Variants in DLGAP1 observed in about 807,000 individuals in gnomAD.
DLGAP1 encodes DLG associated protein 1, also known as disks large-associated protein 1.
DLGAP1 carries 11 observed loss-of-function variants against 90.8 expected under a neutral mutation model. The ratio of observed to expected loss-of-function variants is 0.12; its 90% confidence interval spans 0.08 to 0.20. The LOEUF (loss-of-function observed/expected upper bound fraction) is 0.20. DLGAP1 is among the 10% of genes least tolerant of loss of function. The probability of loss-of-function intolerance (pLI) is 1.00; values close to 1 mark genes in which losing one functional copy is unlikely to be tolerated. For missense variants in DLGAP1, 1,050 were observed against 1,333.8 expected (o/e 0.79, Z 3.31); for synonymous variants, 558 against 540.7 (o/e 1.03, Z -0.44).
At chr18:3,969,193 G>A (rs994073740) in intron 3 of DLGAP1, among the ~76,000 whole-genome samples, 1 of 152,086 alleles carries the variant, frequency 6.6e-6, no homozygotes, top group Non-Finnish European at 1.5e-5. Context: ...CAAACTATGC[G>A]AACTTCCATC....
chr18:4,320,209 C>A (rs773533713), intron 1 of DLGAP1, among the ~76,000 whole-genome samples: 1 of 152,056 alleles, frequency 6.6e-6, no homozygotes, highest in Non-Finnish European at 1.5e-5. Flanking sequence ...CTTCCTCCCA[C>A]GATTTTCACA....
At chr18:4,303,552 A>G (rs2080177939) in intron 1 of DLGAP1, among the ~76,000 whole-genome samples, 2 of 152,144 alleles carry the variant, frequency 1.3e-5, no homozygotes, top group South Asian at 4.1e-4. Context: ...AGCACCATCA[A>G]ATTTTGATTG....
chr18:3,690,164 G>C (rs1411723987), intron 7 of DLGAP1, among the ~76,000 whole-genome samples: 2 of 140,640 alleles, frequency 1.4e-5, no homozygotes, highest in Admixed American at 1.6e-4. Flanking sequence ...ACAGCTCACT[G>C]CGGACTCGAA....
At chr18:4,117,997 C>T (rs1010515594) in intron 2 of DLGAP1, among the ~76,000 whole-genome samples, 1 of 151,376 alleles carries the variant, frequency 6.6e-6, no homozygotes, top group Non-Finnish European at 1.5e-5. Flanking sequence ...CTGCACACAG[C>T]CTTCATGACC....
At chr18:3,561,450 A>G (rs867983056) in intron 9 of DLGAP1, among the ~76,000 whole-genome samples, 1 of 142,314 alleles carries the variant, frequency 7.0e-6, no homozygotes, top group Admixed American at 6.9e-5. Flanking sequence ...AAAAAAAAAA[A>G]AAAAAAAAAC....
At chr18:4,363,279 G>A (rs190276889) in intron 1 of DLGAP1, among the ~76,000 whole-genome samples, 122 of 152,242 alleles carry the variant, frequency 8.0e-4, no homozygotes, top group African/African-American at 2.7e-3. Context: ...GTGAGTGCTC[G>A]CACATACACA....
At chr18:4,407,606 C>T (rs987559714) in intron 1 of DLGAP1, among the ~76,000 whole-genome samples, 2 of 151,996 alleles carry the variant, frequency 1.3e-5, no homozygotes, top group Non-Finnish European at 2.9e-5. Context: ...AGGCCGAGTG[C>T]GCTGGCTCAC....
At chr18:4,051,655 A>G (rs2075135593) in intron 2 of DLGAP1, among the ~76,000 whole-genome samples, 1 of 152,308 alleles carries the variant, frequency 6.6e-6, no homozygotes, top group African/African-American at 2.4e-5. Context: ...CCCAAATCTC[A>G]TGTCCTCATA....
intron 1 of DLGAP1, among the ~76,000 whole-genome samples, chr18:4,213,667 T>C (rs898527935): frequency 5.3e-5 from 8 of 152,142 alleles, no homozygotes; most frequent in Non-Finnish European, 1.0e-4. Context: ...GTGGAGGCTA[T>C]AGAGATATAT....
intron 4 of DLGAP1, among the ~76,000 whole-genome samples, chr18:3,823,641 A>G (rs1443591804): frequency 6.6e-6 from 1 of 152,158 alleles, no homozygotes; most frequent in African/African-American, 2.4e-5. Flanking sequence ...TTGCTGAGAG[A>G]TACAATCCCA....
intron 4 of DLGAP1, among the ~76,000 whole-genome samples, chr18:3,866,191 C>A (rs2070371707): frequency 6.6e-6 from 1 of 152,134 alleles, no homozygotes; most frequent in Non-Finnish European, 1.5e-5. Context: ...TAATGAAGGG[C>A]AGGGCACCAG....
chr18:4,089,949 G>T (rs911559301), intron 2 of DLGAP1, among the ~76,000 whole-genome samples: 1 of 152,192 alleles, frequency 6.6e-6, no homozygotes, highest in African/African-American at 2.4e-5. Flanking sequence ...GGAGACTGAG[G>T]CAGGAGAATG....
At chr18:3,624,628 G>A (rs1380805281) in intron 7 of DLGAP1, among the ~76,000 whole-genome samples, 3 of 152,126 alleles carry the variant, frequency 2.0e-5, no homozygotes, top group African/African-American at 7.2e-5. Context: ...GAAAGGAAAA[G>A]CCTACTTACT....
At chr18:4,068,051 T>C (rs904250256) in intron 2 of DLGAP1, among the ~76,000 whole-genome samples, 1 of 152,024 alleles carries the variant, frequency 6.6e-6, no homozygotes, top group African/African-American at 2.4e-5. Flanking sequence ...GTATTACACT[T>C]ATATATATAA....
chr18:3,874,139 G>C lies in DLGAP1; in HGVS notation c.957+4973C>G, dbSNP rs1427782087. On this transcript the variant is annotated intron_variant, in intron 4 of 12. Transcript: ENST00000315677. ...TATTACCAAATACAAAGTAATAAAA[G>C]AGTTATACCCAAACCTGGTCAGTCC... The C allele has an allele frequency of 3.9e-6, 6 of 1,548,312 alleles. No homozygotes were observed. In the African/African-American group the frequency reaches 8.2e-5, roughly 21 times the overall value.
At chr18:4,151,507 T>C (rs1383539484) in intron 1 of DLGAP1, among the ~76,000 whole-genome samples, 1 of 152,160 alleles carries the variant, frequency 6.6e-6, no homozygotes, top group African/African-American at 2.4e-5. Flanking sequence ...AAAAAAACAA[T>C]GTTGCTGTAA....
intron 2 of DLGAP1, among the ~76,000 whole-genome samples, chr18:4,080,511 A>T (rs1482337088): frequency 6.6e-6 from 1 of 152,230 alleles, no homozygotes; most frequent in Non-Finnish European, 1.5e-5. Context: ...TTGGGCAGAG[A>T]TCTGCATCTG....
chr18:4,418,061 C>A (rs193103397), intron 1 of DLGAP1, among the ~76,000 whole-genome samples: 308 of 152,256 alleles, frequency 2.0e-3, no homozygotes, highest in African/African-American at 7.0e-3. Flanking sequence ...ACAACCCAGC[C>A]TCAATCCTAA....
chr18:4,307,883 T>A (rs952074866), intron 1 of DLGAP1, among the ~76,000 whole-genome samples: 1 of 152,032 alleles, frequency 6.6e-6, no homozygotes, highest in Admixed American at 6.6e-5. Context: ...GCCTGGCCAA[T>A]TTTTGTATTT....
Sources: gnomAD v4.1 joint callset for allele counts (sites outside exome capture counted in the v4.1 genomes callset) on GRCh38, gnomAD v4.1.1 for gene constraint, MANE v1.5 for transcripts, NCBI Gene and HGNC (gene_info 2026-07-23, HGNC 2026-07-21) for gene names.